The following NLK variants were observed in gnomAD, a reference collection of about 807,000 sequenced individuals.
NLK encodes the protein serine/threonine-protein kinase NLK.
A neutral mutation model predicts 59.0 loss-of-function variants in NLK; 11 were observed. That is an observed-to-expected ratio of 0.19 (90% CI 0.12 to 0.31). The LOEUF (loss-of-function observed/expected upper bound fraction) is 0.31. Among genes scored for constraint, NLK ranks in the 10% least tolerant of loss-of-function variants. The pLI, the probability that NLK is intolerant of heterozygous loss-of-function variation, is 1.00. For synonymous variants in NLK, 235 were observed against 235.9 expected, an observed-to-expected ratio of 1.00 and a Z score of 0.03; for missense variants, 410 against 661.1, an observed-to-expected ratio of 0.62 and a Z score of 4.16.
chr17:28,042,989 C>G lies in NLK; in HGVS notation c.116C>G (p.Pro39Arg), dbSNP rs1908913544. 1 of 1,557,098 alleles carries G rather than the reference C, an allele frequency of 6.4e-7. No homozygotes were observed. The highest frequency in any genetic ancestry group is 1.2e-5 in the South Asian group (1 of 84,592). The change falls in exon 1 of 11, where the codon CCT becomes CGT. Residue 39 changes from proline to arginine, a missense_variant. This residue lies in a region of NLK where 160 missense variants were observed against 171.0 expected (regional missense o/e 0.94). Coordinates refer to ENST00000407008, the MANE Select transcript of NLK (RefSeq NM_016231.5). The part of the protein sequence containing the change: ...HHHHHHLPHL[P>R]PPHLHHHHHP... ...CATCACCACCACCTTCCACACCTCC[C>G]TCCTCCTCACCTGCACCACCACCAC... is the stretch of plus-strand genomic sequence containing the variant.
Position 28,048,904 on chromosome 17 carries a change from A to G in NLK, c.458+5573A>G, listed in dbSNP as rs538326076. The G allele has an allele frequency of 2.0e-5, 3 of 152,386 alleles. No individual in the cohort carries two copies. The South Asian group carries it at 6.2e-4, about 32-fold the overall frequency. 9.4% of individuals were successfully genotyped at this position (152,386 alleles called of 1,614,324 possible). Reference sequence around the variant, plus strand: ...TTTGTCATCCAACCAATAAATGGACAGAAGCTGTTAGAAGCTCTTTAATTA... The same window carrying G: ...TTTGTCATCCAACCAATAAATGGACGGAAGCTGTTAGAAGCTCTTTAATTA... On this transcript the variant is annotated intron_variant, in intron 1 of 10. Coordinates refer to ENST00000407008, the MANE Select transcript of NLK (RefSeq NM_016231.5).
intron 1 of NLK, among the ~76,000 whole-genome samples, chr17:28,118,426 G>T (rs1567718803): frequency 6.6e-6 from 1 of 152,120 alleles, no homozygotes; most frequent in East Asian, 1.9e-4. Flanking sequence ...TTTTAAAACT[G>T]CTAACACATG....
chr17:28,063,822 C>T (rs1374131721), intron 1 of NLK, among the ~76,000 whole-genome samples: 1 of 152,100 alleles, frequency 6.6e-6, no homozygotes, highest in African/African-American at 2.4e-5. Context: ...TTAAACTGAA[C>T]GAAATGAGAC....
At chr17:28,141,983 C>T (rs925718326) in intron 3 of NLK, among the ~76,000 whole-genome samples, 1 of 152,186 alleles carries the variant, frequency 6.6e-6, no homozygotes, top group Non-Finnish European at 1.5e-5. Flanking sequence ...GAAGATTAAT[C>T]ACCAGTCTCT....
chr17:28,189,434 G>A (rs936799137), intron 8 of NLK, among the ~76,000 whole-genome samples: 1 of 152,182 alleles, frequency 6.6e-6, no homozygotes, highest in African/African-American at 2.4e-5. Context: ...TCTGTTTATA[G>A]CACAGAATGC....
downstream of NLK, among the ~76,000 whole-genome samples, chr17:28,200,299 AG>A (rs1909596436): frequency 1.3e-5 from 2 of 152,192 alleles, no homozygotes; most frequent in Middle Eastern, 3.4e-3. Flanking sequence ...CATTTCTTTT[AG>A]ATATATGATC....
chr17:28,102,967 G>T (rs757794894), intron 1 of NLK, among the ~76,000 whole-genome samples: 23 of 152,268 alleles, frequency 1.5e-4, no homozygotes, highest in Non-Finnish European at 2.9e-4. Flanking sequence ...TGGCTCTTAT[G>T]TCTGTCTTTC....
intron 1 of NLK, among the ~76,000 whole-genome samples, chr17:28,045,445 C>G (rs2142728980): frequency 6.6e-6 from 1 of 152,236 alleles, no homozygotes; most frequent in African/African-American, 2.4e-5. Context: ...GGTTTGGTTT[C>G]TTTTGAGGCC....
At chr17:28,059,206 A>C (rs117195273) in intron 1 of NLK, among the ~76,000 whole-genome samples, 1 of 152,038 alleles carries the variant, frequency 6.6e-6, no homozygotes, top group Non-Finnish European at 1.5e-5. Flanking sequence ...CACTGGCGGA[A>C]TTTTTATGAG....
At chr17:28,097,406 A>C (rs1458759425) in intron 1 of NLK, among the ~76,000 whole-genome samples, 3 of 152,112 alleles carry the variant, frequency 2.0e-5, no homozygotes, top group African/African-American at 7.2e-5. Context: ...GTAAAATTCA[A>C]ATTTCCTTTT....
At chr17:28,177,420 T>C (rs1399597116) in intron 7 of NLK, among the ~76,000 whole-genome samples, 1 of 152,182 alleles carries the variant, frequency 6.6e-6, no homozygotes, top group Non-Finnish European at 1.5e-5. Flanking sequence ...TGAAACTTAG[T>C]TTAAACTGGC....
chr17:28,042,889 G>A lies in NLK; in HGVS notation c.16G>A (p.Ala6Thr), dbSNP rs977628879. 6.6e-6 allele frequency: 10 copies of A among 1,514,792 alleles called. No individual in the cohort carries two copies. Among genetic ancestry groups the A allele is most frequent in the Non-Finnish European group, 8.9e-6 (10 of 1,124,568 alleles). 93.8% of individuals were successfully genotyped at this position (1,514,792 alleles called of 1,614,324 possible). Residue 6 changes from alanine (A) to threonine (T), a missense_variant, in exon 1 of 11, where the codon GCA becomes ACA. By Grantham distance (58) the Ala-to-Thr change is moderately conservative. This residue lies in a region of NLK where 160 missense variants were observed against 171.0 expected (regional missense o/e 0.94). Coordinates refer to ENST00000407008, the MANE Select transcript of NLK (RefSeq NM_016231.5). Reference sequence around the variant, plus strand: ...TTTATTTTGAATGTCTCTTTGTGGCGCAAGAGCCAACGCAAAAATGATGGC... The same window carrying A: ...TTTATTTTGAATGTCTCTTTGTGGCACAAGAGCCAACGCAAAAATGATGGC... The part of the protein sequence containing the change: MSLCG[A>T]RANAKMMAAY...
At chr17:28,134,555 A>G (rs142647458) in intron 3 of NLK, among the ~76,000 whole-genome samples, 26 of 152,364 alleles carry the variant, frequency 1.7e-4, no homozygotes, top group African/African-American at 6.3e-4. Flanking sequence ...CATTTTATAT[A>G]AGGGACTTGA....
chr17:28,076,465 C>A (rs1910161753), intron 1 of NLK, among the ~76,000 whole-genome samples: 1 of 152,118 alleles, frequency 6.6e-6, no homozygotes, highest in Non-Finnish European at 1.5e-5. Context: ...ATCACCTCTC[C>A]CAAGGTCCCA....
In NLK at chr17:28,092,767, A is replaced by G. The variant is rs530311053; in HGVS notation, c.459-29836A>G. ...GCTTGTTTTTATTTTATTTTATTTT[A>G]TTTTATTTTATTTTATTTTATTTTA... is the stretch of plus-strand genomic sequence containing the variant. On this transcript the variant is annotated intron_variant, in intron 1 of 10. Coordinates refer to ENST00000407008, the MANE Select transcript of NLK (RefSeq NM_016231.5). Among the ~76,000 whole-genome samples the G allele has an allele frequency of 2.2e-5, 3 of 137,742 alleles. No homozygotes were observed. The East Asian group carries it at 5.9e-4, about 27-fold the overall frequency. The allele number at this position is 137,742 out of a possible 152,430, so 90.4% of individuals were successfully genotyped here. A position where few individuals can be genotyped will look rare whatever the true frequency, so the allele number is the denominator to read the frequency against.
chr17:28,166,719 T>C (rs1437804290), intron 5 of NLK, among the ~76,000 whole-genome samples: 1 of 152,186 alleles, frequency 6.6e-6, no homozygotes, highest in Non-Finnish European at 1.5e-5. Flanking sequence ...TAGTTGCTGG[T>C]GGTGGCACGG....
chr17:28,089,638 A>T (rs976018922), intron 1 of NLK, among the ~76,000 whole-genome samples: 3 of 152,114 alleles, frequency 2.0e-5, no homozygotes, highest in African/African-American at 7.2e-5. Context: ...AATTTTTTTA[A>T]GTTAAATTGT....
chr17:28,110,141 CGTAA>C (rs917379376), intron 1 of NLK, among the ~76,000 whole-genome samples: 8 of 151,884 alleles, frequency 5.3e-5, no homozygotes, highest in East Asian at 1.9e-4. Context: ...AAATTTATTC[CGTAA>C]GTATTTTATT....
At chr17:28,192,820 C>G (rs1909356393) in intron 10 of NLK, among the ~76,000 whole-genome samples, 1 of 152,188 alleles carries the variant, frequency 6.6e-6, no homozygotes, top group Non-Finnish European at 1.5e-5. Context: ...GGCCACCTGT[C>G]CTGGAGTTAG....
Sources: gnomAD v4.1 joint callset for allele counts (sites outside exome capture counted in the v4.1 genomes callset) on GRCh38, gnomAD v4.1.1 for gene constraint, gnomAD v4.1.1 regional missense constraint, MANE v1.5 for transcripts, NCBI Gene and HGNC (gene_info 2026-07-23, HGNC 2026-07-21) for gene names.